The following MROH9 variants were observed in gnomAD, a reference collection of about 807,000 sequenced individuals.
The protein encoded by MROH9 is maestro heat like repeat family member 9.
A neutral mutation model predicts 98.2 loss-of-function variants in MROH9; 92 were observed. The ratio of observed to expected loss-of-function variants is 0.94; its 90% CI spans 0.79 to 1.11. The LOEUF (loss-of-function observed/expected upper bound fraction) is 1.11, where lower values mean the gene tolerates loss of function less well. MROH9 is among the 50% of genes most tolerant of loss of function. The pLI is 0.00. For synonymous variants in MROH9, 397 were observed against 368.9 expected (o/e 1.08, Z -0.87); for missense variants, 1,057 against 1,014.8 (o/e 1.04, Z -0.57).
Position 171,016,344 on chromosome 1 carries a change from A to C in MROH9, c.1908+8A>C. 6.8e-7 allele frequency: 1 copy of C among 1,478,106 alleles called. No individual in the cohort carries two copies. Among genetic ancestry groups the C allele is most frequent in the Middle Eastern group, 1.7e-4 (1 of 5,734 alleles). The allele number at this position is 1,478,106 out of a possible 1,614,324, so 91.6% of individuals were successfully genotyped here. ...TGTACTCTGATGGATCATGTGAGTT[A>C]CACAGTTAGATATGTGAGATCATTA... On this transcript the variant is annotated splice_region_variant and intron_variant, in intron 17 of 21. Coordinates refer to ENST00000367759, the MANE Select transcript of MROH9 (RefSeq NM_001163629.2).
intron 1 of MROH9, among the ~76,000 whole-genome samples, chr1:170,944,611 C>T (rs1649250667): frequency 6.6e-6 from 1 of 152,014 alleles, no homozygotes; most frequent in Admixed American, 6.6e-5. Flanking sequence ...TAAACAACCA[C>T]TAAGTAGTGT....
intron 20 of MROH9, among the ~76,000 whole-genome samples, chr1:171,061,364 A>G (rs1458622741): frequency 1.3e-5 from 2 of 152,146 alleles, no homozygotes; most frequent in Non-Finnish European, 2.9e-5. Flanking sequence ...CTAGTTATAT[A>G]CCAAACAGCA....
chr1:170,942,170 T>G (rs1207874404), intron 1 of MROH9, among the ~76,000 whole-genome samples: 1 of 152,090 alleles, frequency 6.6e-6, no homozygotes, highest in African/African-American at 2.4e-5. Context: ...CTCAAGTCAT[T>G]CTTTTGGAGT....
rs546920252 is a variant in MROH9 at position 170,967,563 on chromosome 1, T to C, written c.480+2308T>C. On this transcript the variant is annotated intron_variant, in intron 7 of 21. Coordinates refer to ENST00000367759, the MANE Select transcript of MROH9 (RefSeq NM_001163629.2). ...AAGTGCATCCACCTCATTTGTTATC[T>C]GGTACTGTTCCTACACTGGATAGAC... Among the ~76,000 whole-genome samples the C allele has an allele frequency of 2.0e-5, 3 of 152,342 alleles. No individual in the cohort carries two copies. In the South Asian group the frequency reaches 6.2e-4, roughly 32 times the overall value.
intron 17 of MROH9, among the ~76,000 whole-genome samples, chr1:171,020,308 CAGAAA>C (rs1652475286): frequency 6.6e-6 from 1 of 152,074 alleles, no homozygotes; most frequent in Non-Finnish European, 1.5e-5. Flanking sequence ...AGAGACACAA[CAGAAA>C]AGAAAACTTC....
At chr1:170,988,800 T>A (rs1161425333) in intron 10 of MROH9, among the ~76,000 whole-genome samples, 1 of 152,146 alleles carries the variant, frequency 6.6e-6, no homozygotes, top group African/African-American at 2.4e-5. Flanking sequence ...AAACAGACCA[T>A]CATTTTTATA....
intron 3 of MROH9, among the ~76,000 whole-genome samples, chr1:170,954,003 T>A (rs1035989032): frequency 6.6e-6 from 1 of 152,064 alleles, no homozygotes; most frequent in Non-Finnish European, 1.5e-5. Context: ...ATTGAATGCA[T>A]AACTTACATT....
In MROH9 at chr1:170,965,270, A is replaced by G. The variant is rs753534915; in HGVS notation, c.480+15A>G. On this transcript the variant is annotated intron_variant, in intron 7 of 21. Transcript: ENST00000367759. ...TCAGAAAATACGTAAGTCACAGAAT[A>G]TAACAATGCCACCTGATTCTGAAGA... is the stretch of plus-strand genomic sequence containing the variant. 2.0e-6 allele frequency: 3 copies of G among 1,513,958 alleles called. No homozygotes were observed. Among genetic ancestry groups the G allele is most frequent in the South Asian group, 2.3e-5 (2 of 88,574 alleles). The allele number at this position is 1,513,958 out of a possible 1,614,324, so 93.8% of individuals were successfully genotyped here.
chr1:170,990,097 T>C, intron 11 of MROH9, 94 bp downstream of exon 11: 1 of 1,294,078 alleles, frequency 7.7e-7, no homozygotes, highest in Non-Finnish European at 1.0e-6. Context: ...TCTACCATAG[T>C]CAGGCCTGGT....
chr1:170,961,193 A>G (rs1005529865), intron 5 of MROH9, among the ~76,000 whole-genome samples: 4 of 152,242 alleles, frequency 2.6e-5, no homozygotes, highest in Non-Finnish European at 1.5e-5. Flanking sequence ...TATTCATGTT[A>G]TTACATTCTA....
chr1:170,976,087 G>T (rs1273504596), intron 8 of MROH9, among the ~76,000 whole-genome samples: 1 of 152,030 alleles, frequency 6.6e-6, no homozygotes, highest in Non-Finnish European at 1.5e-5. Flanking sequence ...ATACCATTGG[G>T]TCTTTGTTTT....
intron 15 of MROH9, among the ~76,000 whole-genome samples, chr1:171,009,009 TTATTATA>T (rs1341449346): frequency 1.3e-5 from 2 of 149,446 alleles, no homozygotes; most frequent in Non-Finnish European, 3.0e-5. Context: ...CTATATAGTT[TTATTATA>T]TATTATAAAA....
In MROH9 at chr1:171,018,771, T is replaced by G. The variant is rs145281094; in HGVS notation, c.1908+2435T>G. Reference sequence around the variant, plus strand: ...TTTATGAAGCATACACAAGTATCAATAGCTGAATCGATGAAGCAGAAGAAA... The same window carrying G: ...TTTATGAAGCATACACAAGTATCAAGAGCTGAATCGATGAAGCAGAAGAAA... On this transcript the variant is annotated intron_variant, in intron 17 of 21. Coordinates refer to ENST00000367759, the MANE Select transcript of MROH9 (RefSeq NM_001163629.2). Among the ~76,000 whole-genome samples, 664 of 152,256 alleles carry G rather than the reference T, an allele frequency of 4.4e-3. 4 individuals are homozygous for G. The highest frequency in any genetic ancestry group is 0.015 in the African/African-American group (605 of 41,542).
intron 8 of MROH9, among the ~76,000 whole-genome samples, chr1:170,977,326 T>G (rs1245469742): frequency 6.6e-6 from 1 of 152,210 alleles, no homozygotes; most frequent in Non-Finnish European, 1.5e-5. Context: ...CTATTTGAGT[T>G]ACTCATTCTT....
At chr1:170,996,401 C>A in intron 13 of MROH9, 106 bp from the exon 14 acceptor site, 1 of 1,295,782 alleles carries the variant, frequency 7.7e-7, no homozygotes, top group Non-Finnish European at 1.1e-6. Flanking sequence ...TCCCCTTTCT[C>A]AAAACCTATA....
intron 15 of MROH9, among the ~76,000 whole-genome samples, chr1:171,006,424 C>T (rs1405751021): frequency 2.0e-5 from 3 of 151,964 alleles, no homozygotes; most frequent in Admixed American, 2.0e-4. Flanking sequence ...ATCTTAGAGT[C>T]TTGAGCTTTA....
At chr1:170,943,719 T>C (rs1044984733) in intron 1 of MROH9, among the ~76,000 whole-genome samples, 11 of 151,918 alleles carry the variant, frequency 7.2e-5, no homozygotes, top group African/African-American at 2.7e-4. Flanking sequence ...ACAATGTCTG[T>C]AAAATCCTTA....
At chr1:171,019,726 AAC>A (rs1164968932) in intron 17 of MROH9, among the ~76,000 whole-genome samples, 1 of 152,152 alleles carries the variant, frequency 6.6e-6, no homozygotes, top group Non-Finnish European at 1.5e-5. Flanking sequence ...AGCAGGAGCA[AAC>A]AAATTCAAAA....
chr1:170,968,089 A>T (rs1242811054), intron 7 of MROH9, among the ~76,000 whole-genome samples: 2 of 152,136 alleles, frequency 1.3e-5, no homozygotes, highest in Admixed American at 1.3e-4. Flanking sequence ...CTGGCAGGGG[A>T]ATTGAATGGT....
Sources: gnomAD v4.1 joint callset for allele counts (sites outside exome capture counted in the v4.1 genomes callset) on GRCh38, gnomAD v4.1.1 for gene constraint, MANE v1.5 for transcripts, NCBI Gene and HGNC (gene_info 2026-07-23, HGNC 2026-07-21) for gene names.